Variants in CSMD1 observed in about 807,000 individuals in gnomAD.
CSMD1 encodes CUB and sushi domain-containing protein 1.
Under a neutral mutation model 417.5 loss-of-function variants are expected in CSMD1, and 213 were observed. The observed-to-expected ratio is 0.51, with a 90% confidence interval of 0.46 to 0.57. The LOEUF is 0.57. Ranked by LOEUF, CSMD1 falls within the 20% of genes least tolerant of loss-of-function variation. CSMD1 has a pLI of 0.00. For missense variants in CSMD1, 6,923 were observed against 4,529.7 expected, an observed-to-expected ratio of 1.53 and a Z score of -15.17; for synonymous variants, 2,862 against 1,736.8, an observed-to-expected ratio of 1.65 and a Z score of -16.11.
chr8:4,791,820 T>C (rs1797705951), intron 1 of CSMD1, among the ~76,000 whole-genome samples: 1 of 152,324 alleles, frequency 6.6e-6, no homozygotes, highest in Admixed American at 6.5e-5. Flanking sequence ...TCTCTGACAC[T>C]GACCTACAAA....
At chr8:3,574,855 G>A (rs558643683) in intron 10 of CSMD1, 90 bp downstream of exon 10, 92 of 1,416,540 alleles carry the variant, frequency 6.5e-5, no homozygotes, top group Non-Finnish European at 8.0e-5. Flanking sequence ...GTGTAAGCAC[G>A]GATAGCATTT....
intron 1 of CSMD1, among the ~76,000 whole-genome samples, chr8:4,935,947 G>T (rs1320145378): frequency 2.6e-5 from 4 of 152,292 alleles, no homozygotes; most frequent in East Asian, 3.9e-4. Context: ...AGAACAGTTA[G>T]TACTTACACT....
chr8:4,690,917 T>A (rs1452590249), intron 1 of CSMD1, among the ~76,000 whole-genome samples: 3 of 152,058 alleles, frequency 2.0e-5, no homozygotes, highest in Admixed American at 6.6e-5. Context: ...TTAGTAGAGG[T>A]GGGGTTTCAC....
chr8:4,777,512 G>A (rs577107459), intron 1 of CSMD1, among the ~76,000 whole-genome samples: 1 of 152,274 alleles, frequency 6.6e-6, no homozygotes, highest in Non-Finnish European at 1.5e-5. Flanking sequence ...TCATCCCAGT[G>A]TATACCTGAA....
rs375948389 is a variant in CSMD1, at chr8:4,438,488, C to T, written c.303-18423G>A. 3.0e-4 allele frequency among the ~76,000 whole-genome samples: 46 copies of T among 152,342 alleles called. 1 individual carries two copies. The highest frequency in any genetic ancestry group is 3.4e-3 in the Middle Eastern group (1 of 294). Reference sequence around the variant, plus strand: ...GCAATGGACCAACGCTTGGGTTCCACAGCACCTGGCTGTAGGAAGATGCAG... The same window carrying T: ...GCAATGGACCAACGCTTGGGTTCCATAGCACCTGGCTGTAGGAAGATGCAG... On this transcript the variant is annotated intron_variant, in intron 2 of 69. Coordinates refer to ENST00000635120, the MANE Select transcript of CSMD1 (RefSeq NM_033225.6).
chr8:3,853,438 C>G (rs148408875), intron 5 of CSMD1, among the ~76,000 whole-genome samples: 1 of 152,116 alleles, frequency 6.6e-6, no homozygotes, highest in Non-Finnish European at 1.5e-5. Context: ...CTTATTTACT[C>G]CCAGGAAATG....
intron 1 of CSMD1, among the ~76,000 whole-genome samples, chr8:4,925,332 T>C (rs1806784377): frequency 7.5e-6 from 1 of 132,648 alleles, no homozygotes; most frequent in Non-Finnish European, 1.5e-5. Context: ...TTTGACGGGG[T>C]CATGTGTTGT....
chr8:3,737,779 C>G (rs1240729371), intron 6 of CSMD1, among the ~76,000 whole-genome samples: 1 of 152,144 alleles, frequency 6.6e-6, no homozygotes, highest in African/African-American at 2.4e-5. Flanking sequence ...ATGAAATCGT[C>G]TGAAATCAAA....
At chr8:3,695,129 G>C (rs1270350606) in intron 7 of CSMD1, among the ~76,000 whole-genome samples, 1 of 105,650 alleles carries the variant, frequency 9.5e-6, no homozygotes, top group Non-Finnish European at 2.1e-5. Context: ...TATTGAAGAA[G>C]TGTAGTACAA....
At chr8:4,223,338 A>T (rs1007343078) in intron 3 of CSMD1, among the ~76,000 whole-genome samples, 11 of 152,284 alleles carry the variant, frequency 7.2e-5, no homozygotes, top group African/African-American at 2.7e-4. Flanking sequence ...CTGTTGTCTC[A>T]GAACAATTTA....
intron 26 of CSMD1, among the ~76,000 whole-genome samples, chr8:3,233,526 T>C (rs992042212): frequency 2.0e-5 from 3 of 152,178 alleles, no homozygotes; most frequent in African/African-American, 7.2e-5. Flanking sequence ...ACTAAAATGG[T>C]TTGTTCGTTT....
intron 5 of CSMD1, among the ~76,000 whole-genome samples, chr8:3,791,386 A>G (rs1002889724): frequency 6.6e-6 from 1 of 152,262 alleles, no homozygotes; most frequent in East Asian, 1.9e-4. Context: ...AAAATCTTTC[A>G]AAGCTCTTTG....
intron 41 of CSMD1, among the ~76,000 whole-genome samples, chr8:3,137,950 C>T (rs1419791517): frequency 1.3e-5 from 2 of 152,202 alleles, no homozygotes; most frequent in African/African-American, 4.8e-5. Context: ...CCCGGCTGGG[C>T]GCAGTGGCTC....
chr8:3,230,239 CA>C lies in CSMD1; in HGVS notation c.4154-9del. The C allele has an allele frequency of 6.4e-7, 1 of 1,561,498 alleles. No homozygotes were observed. The highest frequency in any genetic ancestry group is 8.7e-7 in the Non-Finnish European group (1 of 1,151,244). ...AGGTGGCTGCAATTGAGGCTGCAAA[CA>C]AAAGAGAAGGCAAGGTCACAGGCTG... On this transcript the variant is annotated splice_polypyrimidine_tract_variant and intron_variant, in intron 26 of 69. Transcript: ENST00000635120.
chr8:3,215,510 T>G (rs895075542), intron 29 of CSMD1, among the ~76,000 whole-genome samples: 14 of 152,226 alleles, frequency 9.2e-5, no homozygotes, highest in African/African-American at 3.1e-4. Flanking sequence ...CAAGGAAAGT[T>G]AAGTCACTTC....
chr8:3,198,754 C>A (rs1796835341), intron 33 of CSMD1, among the ~76,000 whole-genome samples: 1 of 152,094 alleles, frequency 6.6e-6, no homozygotes, highest in African/African-American at 2.4e-5. Flanking sequence ...TTATACTCCA[C>A]CTTTTTAAAA....
intron 1 of CSMD1, among the ~76,000 whole-genome samples, chr8:4,850,380 A>ATATATTTTTTT (rs1403352847): frequency 3.6e-5 from 3 of 82,764 alleles, no homozygotes; most frequent in Non-Finnish European, 4.7e-5. Context: ...AATCCAATTT[A>ATATATTTTTTT]TCTTTTTTTT....
intron 2 of CSMD1, among the ~76,000 whole-genome samples, chr8:4,494,492 T>A (rs968573063): frequency 6.6e-6 from 1 of 152,326 alleles, no homozygotes; most frequent in Non-Finnish European, 1.5e-5. Flanking sequence ...TCTATCCAAG[T>A]TTTACGTTTA....
rs547942143 is a variant in CSMD1, at chr8:3,501,755, T to C, written c.1345-8029A>G. 1.3e-4 allele frequency among the ~76,000 whole-genome samples: 20 copies of C among 152,296 alleles called. 1 individual carries two copies. The South Asian group carries it at 3.9e-3, about 30-fold the overall frequency. On this transcript the variant is annotated intron_variant, in intron 10 of 69. Coordinates refer to ENST00000635120, the MANE Select transcript of CSMD1 (RefSeq NM_033225.6). Reference sequence around the variant, plus strand: ...TTAACACGGTTGCAAGAAGAACGATTACACATTTTAAAAGAAAATGCACAC... The same window carrying C: ...TTAACACGGTTGCAAGAAGAACGATCACACATTTTAAAAGAAAATGCACAC...
Sources: allele counts gnomAD v4.1 joint callset (sites outside exome capture counted in the v4.1 genomes callset), GRCh38; gene constraint gnomAD v4.1.1; transcripts MANE v1.5; gene names NCBI Gene and HGNC (gene_info 2026-07-23, HGNC 2026-07-21).